Variants in FABP7 observed in about 807,000 individuals in gnomAD.
The protein encoded by FABP7 is fatty acid-binding protein, brain.
In FABP7, 13 loss-of-function variants were observed where a neutral mutation model predicts 14.2. The observed-to-expected ratio is 0.91, with a 90% CI of 0.59 to 1.45. The LOEUF (loss-of-function observed/expected upper bound fraction) is 1.45. Ranked by LOEUF, FABP7 falls within the 40% of genes most tolerant of loss-of-function variation. The pLI is 0.00. For missense variants in FABP7, 149 were observed against 157.6 expected (o/e 0.95, Z 0.29); for synonymous variants, 49 against 51.4 (o/e 0.95, Z 0.20).
In FABP7 at chr6:122,781,157, A is replaced by C; in HGVS notation, c.311A>C (p.Asn104Thr). The C allele has an allele frequency of 6.2e-7, 1 of 1,614,082 alleles. No individual in the cohort carries two copies. ...CAGAAATGGGATGGCAAAGAAACAA[A>C]TTTTGTAAGAGAAATTAAGGATGGC... Reference protein sequence around the residue: ...HIQKWDGKETNFVREIKDGKM... With the variant: ...HIQKWDGKETTFVREIKDGKM... The change falls in exon 3 of 4, where the codon AAT (asparagine) becomes ACT (threonine). Residue 104 changes from asparagine to threonine, a missense_variant. Coordinates refer to ENST00000368444, the MANE Select transcript of FABP7 (RefSeq NM_001446.5).
chr6:122,772,839 G>T, the FABP7 span, among the ~76,000 whole-genome samples: 7 of 152,094 alleles, frequency 4.6e-5, no homozygotes, highest in Admixed American at 4.6e-4. Flanking sequence ...TACTGATATT[G>T]CATTTAGCCC....
chr6:122,771,475 A>AT, the FABP7 span, among the ~76,000 whole-genome samples: 5 of 152,302 alleles, frequency 3.3e-5, no homozygotes, highest in South Asian at 8.3e-4. Flanking sequence ...GAATATAAGA[A>AT]CAAAAAGTTC....
At chr6:122,755,671 A>G in the FABP7 span, among the ~76,000 whole-genome samples, 7 of 151,602 alleles carry the variant, frequency 4.6e-5, no homozygotes, top group East Asian at 1.9e-4. Flanking sequence ...GTTATCCAGG[A>G]TGGCCTTGAT....
upstream of FABP7, among the ~76,000 whole-genome samples, chr6:122,776,642 C>T (rs1780677978): frequency 6.6e-6 from 1 of 152,068 alleles, no homozygotes; most frequent in Non-Finnish European, 1.5e-5. Context: ...TAATTCATAG[C>T]ATTTTTCAAA....
intron 3 of FABP7, 148 bp downstream of exon 3, chr6:122,781,342 A>G (rs1324229490): frequency 3.3e-6 from 5 of 1,506,480 alleles, no homozygotes; most frequent in Non-Finnish European, 4.5e-6. Context: ...CTTTAACTAT[A>G]TGTAAAACAG....
chr6:122,760,105 A>G, the FABP7 span, among the ~76,000 whole-genome samples: 1 of 152,102 alleles, frequency 6.6e-6, no homozygotes, highest in African/African-American at 2.4e-5. Context: ...TGATTCAAAA[A>G]AAAAAAAGAT....
At chr6:122,759,712 C>T in the FABP7 span, among the ~76,000 whole-genome samples, 1 of 152,138 alleles carries the variant, frequency 6.6e-6, no homozygotes, top group East Asian at 1.9e-4. Context: ...CAGGATTTAG[C>T]CCCTGGCAGT....
intron 3 of FABP7, chr6:122,782,003 C>A: frequency 1.1e-6 from 1 of 925,296 alleles, no homozygotes; most frequent in Non-Finnish European, 1.3e-6. Flanking sequence ...CCTGCTGCCT[C>A]GGCCTCCCAG....
At chr6:122,759,542 G>C in the FABP7 span, among the ~76,000 whole-genome samples, 1 of 152,188 alleles carries the variant, frequency 6.6e-6, no homozygotes, top group Non-Finnish European at 1.5e-5. Flanking sequence ...CATGGATTGA[G>C]TACTTGCTGT....
chr6:122,771,359 A>C, the FABP7 span, among the ~76,000 whole-genome samples: 6 of 152,176 alleles, frequency 3.9e-5, no homozygotes, highest in Admixed American at 6.6e-5. Flanking sequence ...TGTAATCTTC[A>C]ACTGATCCCA....
chr6:122,752,266 C>T, the FABP7 span, among the ~76,000 whole-genome samples: 1 of 152,204 alleles, frequency 6.6e-6, no homozygotes, highest in African/African-American at 2.4e-5. Flanking sequence ...TAGATGTGTT[C>T]ATCCTTGCCT....
At chr6:122,753,797 C>CCCCCCCCCCCCCCCCG in the FABP7 span, among the ~76,000 whole-genome samples, 1 of 105,912 alleles carries the variant, frequency 9.4e-6, no homozygotes, top group African/African-American at 3.7e-5. Flanking sequence ...CCCCCCCCGC[C>CCCCCCCCCCCCCCCCG]CACAGAAGTT....
intron 3 of FABP7, chr6:122,782,542 G>C (rs896515404): frequency 7.1e-6 from 7 of 984,718 alleles, no homozygotes; most frequent in African/African-American, 1.7e-5. Flanking sequence ...CACAAACTAG[G>C]AGAAATATTA....
chr6:122,758,875 A>G, the FABP7 span, among the ~76,000 whole-genome samples: 1 of 152,194 alleles, frequency 6.6e-6, no homozygotes, highest in African/African-American at 2.4e-5. Flanking sequence ...AACTTTTTTG[A>G]TGGGGTAAAA....
At chr6:122,783,632 C>T in intron 3 of FABP7, 85 bp from the exon 4 acceptor site, 3 of 1,507,518 alleles carry the variant, frequency 2.0e-6, no homozygotes. Context: ...TTGCATAATA[C>T]TTAGATCACA....
At chr6:122,777,845 A>AAAAT (rs56666229), upstream of FABP7, among the ~76,000 whole-genome samples, 5,326 of 143,808 alleles carry the variant, frequency 0.037, 186 homozygotes, top group African/African-American at 0.087. Context: ...CCTTTCTCCA[A>AAAAT]AAATAAATAA....
chr6:122,774,917 C>T (rs535925604), upstream of FABP7, among the ~76,000 whole-genome samples: 100 of 151,204 alleles, frequency 6.6e-4, no homozygotes, highest in African/African-American at 1.1e-3. Context: ...ATAATAGCTA[C>T]GATAAACAAA....
chr6:122,777,149 C>T (rs1307072973), upstream of FABP7, among the ~76,000 whole-genome samples: 2 of 152,094 alleles, frequency 1.3e-5, no homozygotes, highest in Admixed American at 6.6e-5. Flanking sequence ...ATTTTATGTT[C>T]TTAGAATACA....
rs779939586 is a variant in FABP7 at position 122,781,132 on chromosome 6, C to G, written c.286C>G (p.Gln96Glu). The change falls in exon 3 of 4, where the codon CAG (glutamine) becomes GAG (glutamate). Residue 96 changes from glutamine to glutamate, a missense_variant. Physicochemically the swap from Gln to Glu is conservative, Grantham distance 29 (BLOSUM62 2). Coordinates refer to ENST00000368444, the MANE Select transcript of FABP7 (RefSeq NM_001446.5). Reference protein sequence around the residue: ...SLDGDKLVHIQKWDGKETNFV... With the variant: ...SLDGDKLVHIEKWDGKETNFV... ...GGATGGAGACAAACTTGTTCACATA[C>G]AGAAATGGGATGGCAAAGAAACAAA... The G allele has an allele frequency of 1.2e-6, 2 of 1,613,772 alleles. No individual in the cohort carries two copies. Among genetic ancestry groups the G allele is most frequent in the Non-Finnish European group, 1.7e-6 (2 of 1,179,796 alleles).
Sources: gnomAD v4.1 joint callset for allele counts (sites outside exome capture counted in the v4.1 genomes callset) on GRCh38, gnomAD v4.1.1 for gene constraint, MANE v1.5 for transcripts, NCBI Gene and HGNC (gene_info 2026-07-23, HGNC 2026-07-21) for gene names.